Variants in CCDC90B observed in about 807,000 individuals in gnomAD.
CCDC90B encodes coiled-coil domain containing 90B, also known as coiled-coil domain-containing protein 90B, mitochondrial.
A neutral mutation model predicts 37.0 loss-of-function variants in CCDC90B; 24 were observed. That is an observed-to-expected ratio of 0.65 (90% confidence interval 0.47 to 0.91). CCDC90B has a LOEUF of 0.91. CCDC90B is among the 40% of genes least tolerant of loss of function. The pLI, the probability that CCDC90B is intolerant of heterozygous loss-of-function variation, is 0.00. For missense variants in CCDC90B, 319 were observed against 299.0 expected, an observed-to-expected ratio of 1.07 and a Z score of -0.49; for synonymous variants, 113 against 101.1, an observed-to-expected ratio of 1.12 and a Z score of -0.71.
chr11:83,269,450 G>C (rs191708431), intron 7 of CCDC90B, among the ~76,000 whole-genome samples: 1 of 152,044 alleles, frequency 6.6e-6, no homozygotes, highest in Admixed American at 6.6e-5. Flanking sequence ...GAATCAAATA[G>C]ATGCAACAAA....
intron 3 of CCDC90B, among the ~76,000 whole-genome samples, chr11:83,277,450 A>G (rs1865105274): frequency 6.6e-6 from 1 of 152,092 alleles, no homozygotes; most frequent in Non-Finnish European, 1.5e-5. Flanking sequence ...TTAATTGGAC[A>G]TTTGTCTACT....
chr11:83,270,417 A>C (rs988423676), intron 7 of CCDC90B, among the ~76,000 whole-genome samples: 5 of 152,220 alleles, frequency 3.3e-5, no homozygotes, highest in Non-Finnish European at 7.3e-5. Flanking sequence ...GTCACAGCCC[A>C]AAATCTCCTT....
At chr11:83,265,107 A>T (rs933939610) in intron 8 of CCDC90B, among the ~76,000 whole-genome samples, 6 of 152,218 alleles carry the variant, frequency 3.9e-5, no homozygotes, top group African/African-American at 1.4e-4. Context: ...TATAAAAAAA[A>T]TTTATAATGA....
At chr11:83,278,608 C>G (rs1429439171) in intron 3 of CCDC90B, 118 bp downstream of exon 3, 1 of 628,754 alleles carries the variant, frequency 1.6e-6, no homozygotes, top group Non-Finnish European at 2.8e-6. Context: ...TTTGTGGTCC[C>G]TTTAGAGAGA....
rs570332367 is a variant in CCDC90B at position 83,280,348 on chromosome 11, A to G, written c.101-88T>C. ...TACAAAGCATTTTCCCCATCCATTTATAATATAGTTCCAGCTCTTCTAGTT... is the reference window on the plus strand; with the variant it reads ...TACAAAGCATTTTCCCCATCCATTTGTAATATAGTTCCAGCTCTTCTAGTT... On this transcript the variant is annotated intron_variant, in intron 1 of 8. Coordinates refer to ENST00000529689, the MANE Select transcript of CCDC90B (RefSeq NM_021825.5). The G allele has an allele frequency of 2.8e-4, 324 of 1,177,658 alleles. 6 individuals are homozygous for G. The South Asian group carries it at 4.3e-3, about 16-fold the overall frequency. The allele number at this position is 1,177,658 out of a possible 1,614,324, so 73.0% of individuals were successfully genotyped here. A position where few individuals can be genotyped will look rare whatever the true frequency, so the allele number is the denominator to read the frequency against.
In CCDC90B at chr11:83,278,743, C is replaced by G; in HGVS notation, c.307G>C (p.Val103Leu). Residue 103 changes from valine to leucine, a missense_variant, in exon 3 of 9, where the codon GTC (valine) becomes CTC (leucine). By Grantham distance (32) the Val-to-Leu change is conservative. Transcript: ENST00000529689. ...VSLDTIYKEM[V>L]TQAQQEITVQ... ...TGTATTACCTGTTGAGCTTGAGTGA[C>G]CATCTCTTTATAGATAGTATCCAGG... The G allele has an allele frequency of 6.2e-7, 1 of 1,609,020 alleles. No individual in the cohort carries two copies. The highest frequency in any genetic ancestry group is 8.5e-7 in the Non-Finnish European group (1 of 1,176,408).
chr11:83,272,372 A>G (rs1346353692), intron 7 of CCDC90B, among the ~76,000 whole-genome samples: 1 of 152,204 alleles, frequency 6.6e-6, no homozygotes, highest in African/African-American at 2.4e-5. Flanking sequence ...ATAATAACAT[A>G]TTTATACCTG....
intron 1 of CCDC90B, 193 bp downstream of exon 1, chr11:83,285,680 T>G (rs1179208799): frequency 2.1e-6 from 3 of 1,416,930 alleles, no homozygotes; most frequent in African/African-American, 1.4e-5. Context: ...AGGCAGTGCT[T>G]TCCTCAGTCC....
rs1241728279 is a variant in CCDC90B at position 83,259,605 on chromosome 11, A to G, written c.*2306T>C. On this transcript the variant is annotated 3_prime_UTR_variant, in exon 9 of 9. Coordinates refer to ENST00000529689, the MANE Select transcript of CCDC90B (RefSeq NM_021825.5). The stretch of plus-strand genomic sequence containing the variant: ...TATAACTAAGATGAAGAATGAATAA[A>G]CTAATATAGAGGCCTAAAAAACACC... 1 of 152,228 alleles carries G rather than the reference A, an allele frequency of 6.6e-6. No homozygotes were observed. Among genetic ancestry groups the G allele is most frequent in the Non-Finnish European group, 1.5e-5 (1 of 68,056 alleles). The allele number at this position is 152,228 out of a possible 1,614,324, so 9.4% of individuals were successfully genotyped here.
At chr11:83,264,907 A>G (rs1250525618) in intron 8 of CCDC90B, among the ~76,000 whole-genome samples, 2 of 139,914 alleles carry the variant, frequency 1.4e-5, no homozygotes, top group South Asian at 2.3e-4. Flanking sequence ...GAACTGAACA[A>G]TGAGAACACA....
At chr11:83,275,444 C>G (rs1360135501) in intron 3 of CCDC90B, among the ~76,000 whole-genome samples, 2 of 147,828 alleles carry the variant, frequency 1.4e-5, no homozygotes, top group Non-Finnish European at 3.0e-5. Flanking sequence ...ACATAACACT[C>G]AAAGGAAATG....
At chr11:83,284,502 G>T (rs994845582) in intron 1 of CCDC90B, among the ~76,000 whole-genome samples, 3 of 152,202 alleles carry the variant, frequency 2.0e-5, no homozygotes, top group Non-Finnish European at 4.4e-5. Flanking sequence ...CTACTAACGT[G>T]CTACACTAGT....
intron 1 of CCDC90B, among the ~76,000 whole-genome samples, chr11:83,284,610 A>G (rs1865574415): frequency 6.6e-6 from 1 of 152,234 alleles, no homozygotes; most frequent in Non-Finnish European, 1.5e-5. Context: ...CTACTTGTAT[A>G]AAATAAACAT....
At chr11:83,285,747 A>C in intron 1 of CCDC90B, 126 bp downstream of exon 1, 1 of 1,466,514 alleles carries the variant, frequency 6.8e-7, no homozygotes, top group South Asian at 1.4e-5. Context: ...GTCGCCCAGC[A>C]CAAGGCGTGA....
At chr11:83,274,296 CACAAAG>C in intron 4 of CCDC90B, 2 of 292,250 alleles carry the variant, frequency 6.8e-6, no homozygotes, top group Non-Finnish European at 1.2e-5. Flanking sequence ...ACTTTTAAGT[CACAAAG>C]ACATTTAGTA....
rs1164444839 is a variant in CCDC90B at position 83,264,650 on chromosome 11, G to A, written c.709+1215C>T. On this transcript the variant is annotated intron_variant, in intron 8 of 8. Transcript: ENST00000529689. Reference sequence around the variant, plus strand: ...CATTTTTTCCTTCATTTCAACTTTGGTGAATCTGACAATTATGGAGTTGCT... The same window carrying A: ...CATTTTTTCCTTCATTTCAACTTTGATGAATCTGACAATTATGGAGTTGCT... Among the ~76,000 whole-genome samples the A allele has an allele frequency of 3.3e-5, 5 of 151,986 alleles. No homozygotes were observed. The East Asian group carries it at 9.7e-4, about 29-fold the overall frequency.
At chr11:83,266,514 T>C (rs1422461215) in intron 7 of CCDC90B, among the ~76,000 whole-genome samples, 2 of 152,140 alleles carry the variant, frequency 1.3e-5, no homozygotes, top group African/African-American at 2.4e-5. Context: ...AGCACAGCAG[T>C]CTGAAATCGA....
chr11:83,272,169 C>A (rs778693960), intron 7 of CCDC90B, among the ~76,000 whole-genome samples: 2 of 152,122 alleles, frequency 1.3e-5, no homozygotes, highest in Admixed American at 6.5e-5. Flanking sequence ...TTGATGGGTG[C>A]AGCAAACCAA....
intron 8 of CCDC90B, among the ~76,000 whole-genome samples, chr11:83,265,434 A>G (rs928936060): frequency 7.9e-5 from 12 of 152,026 alleles, no homozygotes; most frequent in Non-Finnish European, 1.8e-4. Context: ...TCCACTGTGG[A>G]GTACCACAGT....
Sources: allele counts gnomAD v4.1 joint callset (sites outside exome capture counted in the v4.1 genomes callset), GRCh38; gene constraint gnomAD v4.1.1; transcripts MANE v1.5; gene names NCBI Gene and HGNC (gene_info 2026-07-23, HGNC 2026-07-21).